The following ANKIB1 variants were observed in gnomAD, a reference collection of about 807,000 sequenced individuals.
ANKIB1 encodes the protein ankyrin repeat and IBR domain-containing protein 1.
Under a neutral mutation model 122.1 loss-of-function variants are expected in ANKIB1, and 43 were observed. The ratio of observed to expected loss-of-function variants is 0.35; its 90% CI spans 0.28 to 0.45. The LOEUF (loss-of-function observed/expected upper bound fraction) is 0.45, where lower values mean the gene tolerates loss of function less well. Ranked by LOEUF, ANKIB1 falls within the 20% of genes least tolerant of loss-of-function variation. The probability of loss-of-function intolerance (pLI) is 1.00; values close to 1 mark genes in which losing one functional copy is unlikely to be tolerated. For synonymous variants in ANKIB1, 390 were observed against 442.0 expected (o/e 0.88, Z 1.48); for missense variants, 992 against 1,329.5 (o/e 0.75, Z 3.95).
chr7:92,387,860 TA>T lies in ANKIB1; in HGVS notation c.1820del (p.Asn607ThrfsTer8), dbSNP rs1206344198. The T allele has an allele frequency of 6.2e-7, 1 of 1,612,808 alleles. No homozygotes were observed. ...GATTTATGCACTATTATACAAGATT[TA>T]AAAACCATGAGCATAGTTATCAGGT... ...DRFMHYYTRFKNHEHSYQLEQ... is the reference protein window; with the variant it reads ...DRFMHYYTRFXNHEHSYQLEQ... On this transcript the variant is annotated frameshift_variant, in exon 13 of 20. Coordinates refer to ENST00000265742, the MANE Select transcript of ANKIB1 (RefSeq NM_019004.2). LOFTEE classifies it high-confidence loss of function.
At chr7:92,395,993 AAAAT>A (rs1238199406) in intron 17 of ANKIB1, 1 of 218,734 alleles carries the variant, frequency 4.6e-6, no homozygotes, top group East Asian at 1.7e-4. Context: ...TAAAAATAAA[AAAAT>A]AAAAAATAAA....
At position 92,288,862 on chromosome 7, in the gene ANKIB1, C is replaced by G. The variant is rs370751139; in HGVS notation, c.-90-6027C>G. Among the ~76,000 whole-genome samples the G allele has an allele frequency of 4.1e-4, 63 of 152,084 alleles. 1 individual carries two copies. The South Asian group carries it at 0.013, about 31-fold the overall frequency. On this transcript the variant is annotated intron_variant, in intron 1 of 19. Coordinates refer to ENST00000265742, the MANE Select transcript of ANKIB1 (RefSeq NM_019004.2). The stretch of plus-strand genomic sequence containing the variant: ...GCTACCAAAAAAGAAAAAAAAAAAT[C>G]CTACTAACTAGAAACTGACAATTCC...
intron 3 of ANKIB1, among the ~76,000 whole-genome samples, chr7:92,313,343 T>C (rs1279101443): frequency 6.6e-6 from 1 of 152,174 alleles, no homozygotes; most frequent in East Asian, 1.9e-4. Context: ...TAAAAACCAT[T>C]CACAGGTCAG....
chr7:92,280,179 A>T (rs1801987604), intron 1 of ANKIB1, among the ~76,000 whole-genome samples: 1 of 152,176 alleles, frequency 6.6e-6, no homozygotes, highest in Non-Finnish European at 1.5e-5. Context: ...TGATCCCTCT[A>T]GCATTTATGA....
intron 1 of ANKIB1, among the ~76,000 whole-genome samples, chr7:92,252,668 ATTG>A (rs1388799344): frequency 6.6e-6 from 1 of 151,866 alleles, no homozygotes; most frequent in Non-Finnish European, 1.5e-5. Context: ...ATTTGTTGCT[ATTG>A]TTATTTATTT....
At chr7:92,269,260 T>C (rs575679987) in intron 1 of ANKIB1, among the ~76,000 whole-genome samples, 1 of 152,192 alleles carries the variant, frequency 6.6e-6, no homozygotes, top group Non-Finnish European at 1.5e-5. Context: ...CCAGTTTTCT[T>C]AGGTGAGGGC....
chr7:92,254,677 A>AT (rs775048016), intron 1 of ANKIB1, among the ~76,000 whole-genome samples: 77 of 151,980 alleles, frequency 5.1e-4, no homozygotes, highest in Non-Finnish European at 9.4e-4. Context: ...TTCTTGTTGG[A>AT]TTTTTTCCCT....
intron 11 of ANKIB1, among the ~76,000 whole-genome samples, chr7:92,378,481 A>C (rs900535049): frequency 1.1e-4 from 11 of 95,942 alleles, no homozygotes; most frequent in African/African-American, 5.9e-4. Flanking sequence ...GCTATTTGAC[A>C]AAAAAAAAAA....
intron 11 of ANKIB1, among the ~76,000 whole-genome samples, chr7:92,378,858 A>G (rs748277383): frequency 3.3e-5 from 5 of 152,224 alleles, no homozygotes; most frequent in African/African-American, 1.2e-4. Flanking sequence ...CACAATTACT[A>G]TGCAGAGTAA....
At chr7:92,382,139 A>G (rs1804530182) in intron 11 of ANKIB1, among the ~76,000 whole-genome samples, 1 of 152,170 alleles carries the variant, frequency 6.6e-6, no homozygotes, top group African/African-American at 2.4e-5. Context: ...ATCAAAAGAG[A>G]CAAGGCCATT....
At chr7:92,367,643 T>A (rs183095587) in intron 10 of ANKIB1, among the ~76,000 whole-genome samples, 1 of 152,216 alleles carries the variant, frequency 6.6e-6, no homozygotes, top group African/African-American at 2.4e-5. Context: ...GAGAAAAAAG[T>A]ATTAGAAAAT....
intron 10 of ANKIB1, among the ~76,000 whole-genome samples, chr7:92,370,714 C>G (rs760071753): frequency 6.6e-5 from 10 of 152,028 alleles, no homozygotes; most frequent in Non-Finnish European, 1.3e-4. Context: ...ATTACAGTCA[C>G]ATCTACCCAT....
intron 3 of ANKIB1, among the ~76,000 whole-genome samples, chr7:92,308,778 T>C (rs564456010): frequency 6.6e-6 from 1 of 152,310 alleles, no homozygotes; most frequent in African/African-American, 2.4e-5. Flanking sequence ...CCAACATTCA[T>C]ATCCATCCTT....
chr7:92,284,965 G>A (rs1429452859), intron 1 of ANKIB1, among the ~76,000 whole-genome samples: 1 of 152,182 alleles, frequency 6.6e-6, no homozygotes, highest in African/African-American at 2.4e-5. Flanking sequence ...AGCTTTTTAG[G>A]TATCTAGCGT....
intron 1 of ANKIB1, among the ~76,000 whole-genome samples, chr7:92,265,558 G>A (rs1319495304): frequency 1.3e-5 from 2 of 152,186 alleles, no homozygotes; most frequent in African/African-American, 4.8e-5. Flanking sequence ...CATAACTATT[G>A]TCTGGCTGCT....
chr7:92,283,388 A>C (rs919975411), intron 1 of ANKIB1, among the ~76,000 whole-genome samples: 1 of 152,202 alleles, frequency 6.6e-6, no homozygotes, highest in African/African-American at 2.4e-5. Flanking sequence ...AACTTCTTTC[A>C]GAGTAAAGCC....
chr7:92,373,287 A>G (rs1009847264), intron 11 of ANKIB1, among the ~76,000 whole-genome samples: 7 of 152,210 alleles, frequency 4.6e-5, no homozygotes, highest in African/African-American at 1.7e-4. Context: ...AGATGTATAA[A>G]GAACTATCAA....
chr7:92,400,564 T>G lies in ANKIB1; in HGVS notation c.*1615T>G, dbSNP rs1271428553. The G allele has an allele frequency of 1.3e-5, 2 of 152,162 alleles. No individual in the cohort carries two copies. Among genetic ancestry groups the G allele is most frequent in the African/African-American group, 4.8e-5 (2 of 41,442 alleles). 9.4% of individuals were successfully genotyped at this position (152,162 alleles called of 1,614,324 possible). On this transcript the variant is annotated 3_prime_UTR_variant, in exon 20 of 20. Coordinates refer to ENST00000265742, the MANE Select transcript of ANKIB1 (RefSeq NM_019004.2). ...TATTAATATTGTTATCCACAAGAGATGTGATTATGGGTTTTGATTACTTTT... is the reference window on the plus strand; with the variant it reads ...TATTAATATTGTTATCCACAAGAGAGGTGATTATGGGTTTTGATTACTTTT...
Position 92,280,460 on chromosome 7 carries a change from C to G in ANKIB1, c.-90-14429C>G, listed in dbSNP as rs552807563. Among the ~76,000 whole-genome samples, 101 of 151,206 alleles carry G rather than the reference C, an allele frequency of 6.7e-4. 1 individual carries two copies. Among genetic ancestry groups the G allele is most frequent in the African/African-American group, 2.1e-3 (88 of 41,272 alleles). On this transcript the variant is annotated intron_variant, in intron 1 of 19. Transcript: ENST00000265742. ...AAACGTTTGGAGGGCACCCCCCCCCCCTTTTTTTCCTCTTGAGTTTTAAGC... is the reference window on the plus strand; with the variant it reads ...AAACGTTTGGAGGGCACCCCCCCCCGCTTTTTTTCCTCTTGAGTTTTAAGC...
Sources: allele counts gnomAD v4.1 joint callset (sites outside exome capture counted in the v4.1 genomes callset), GRCh38; gene constraint gnomAD v4.1.1; transcripts MANE v1.5; gene names NCBI Gene and HGNC (gene_info 2026-07-23, HGNC 2026-07-21).